The following DNAI4 variants were observed in gnomAD, a reference collection of about 807,000 sequenced individuals.
DNAI4 encodes the protein WD repeat domain 78.
DNAI4 carries 85 observed loss-of-function variants against 105.8 expected under a neutral mutation model. The observed-to-expected ratio is 0.80, with a 90% CI of 0.67 to 0.96. The LOEUF is 0.96. Ranked by LOEUF, DNAI4 falls within the 40% of genes least tolerant of loss-of-function variation. DNAI4 has a pLI of 0.00. For missense variants in DNAI4, 1,014 were observed against 1,005.6 expected (o/e 1.01, Z -0.11); for synonymous variants, 352 against 331.5 (o/e 1.06, Z -0.67).
At chr1:66,904,031 A>G (rs1649049919) in intron 2 of DNAI4, among the ~76,000 whole-genome samples, 1 of 151,726 alleles carries the variant, frequency 6.6e-6, no homozygotes, top group Non-Finnish European at 1.5e-5. Context: ...GTATATATAC[A>G]TATGCATATA....
intron 1 of DNAI4, among the ~76,000 whole-genome samples, chr1:66,918,391 T>C (rs187335585): frequency 6.6e-6 from 1 of 152,356 alleles, no homozygotes; most frequent in East Asian, 1.9e-4. Flanking sequence ...TTCAAAATAA[T>C]GTTTTCAATT....
intron 7 of DNAI4, among the ~76,000 whole-genome samples, chr1:66,858,629 G>A (rs1034967825): frequency 3.3e-5 from 5 of 151,492 alleles, no homozygotes; most frequent in Non-Finnish European, 7.4e-5. Context: ...ATCAAATGGC[G>A]TTTTTTCAAG....
intron 1 of DNAI4, among the ~76,000 whole-genome samples, chr1:66,909,207 G>A (rs545299424): frequency 6.6e-6 from 1 of 150,736 alleles, no homozygotes; most frequent in Admixed American, 6.6e-5. Flanking sequence ...TGTCTTTCCA[G>A]CTATCAGTCA....
intron 15 of DNAI4, among the ~76,000 whole-genome samples, chr1:66,825,166 CTTTTTTTTTTTT>C (rs759572433): frequency 5.2e-5 from 5 of 95,910 alleles, no homozygotes; most frequent in Non-Finnish European, 7.9e-5. Context: ...TAATAACTGT[CTTTTTTTTTTTT>C]TTTTTTTTTT....
intron 2 of DNAI4, among the ~76,000 whole-genome samples, chr1:66,898,392 T>C (rs1648518130): frequency 6.6e-6 from 1 of 152,206 alleles, no homozygotes; most frequent in Non-Finnish European, 1.5e-5. Flanking sequence ...ATAGTTTAAA[T>C]GTGTGTCTAA....
At chr1:66,847,165 C>A (rs919627407) in intron 8 of DNAI4, among the ~76,000 whole-genome samples, 1 of 152,158 alleles carries the variant, frequency 6.6e-6, no homozygotes, top group East Asian at 1.9e-4. Flanking sequence ...GCTACTCACG[C>A]ATTTAGTGCT....
chr1:66,830,689 G>A (rs1370479534), intron 13 of DNAI4, among the ~76,000 whole-genome samples: 2 of 151,534 alleles, frequency 1.3e-5, no homozygotes, highest in Non-Finnish European at 1.5e-5. Context: ...ACTGAGGTGG[G>A]AGAATTGCTT....
At chr1:66,862,376 C>A in intron 6 of DNAI4, 74 bp from the exon 7 acceptor site, 1 of 1,452,062 alleles carries the variant, frequency 6.9e-7, no homozygotes, top group South Asian at 1.3e-5. Context: ...CATAACTAGT[C>A]ACAGAAAAAG....
At position 66,893,059 on chromosome 1, in the gene DNAI4, GAGAGAGAA is replaced by G. The variant is rs778973797; in HGVS notation, c.530+162_530+169del. Among the ~76,000 whole-genome samples the G allele has an allele frequency of 3.2e-3, 181 of 56,518 alleles. 12 individuals carry two copies. The highest frequency in any genetic ancestry group is 4.9e-3 in the Non-Finnish European group (134 of 27,076). The allele number at this position is 56,518 out of a possible 152,430, so 37.1% of individuals were successfully genotyped here. On this transcript the variant is annotated intron_variant, in intron 3 of 16. Transcript: ENST00000371026. ...GGAAAGAAAGAAAGAAAGAAAGAGAGAGAGAGAAAGAAAGAAAGAAAGAAAGAAAGAAA... is the reference window on the plus strand; with the variant it reads ...GGAAAGAAAGAAAGAAAGAAAGAGAGAGAAAGAAAGAAAGAAAGAAAGAAA...
At chr1:66,848,391 C>G (rs1277889989) in intron 7 of DNAI4, 1 of 377,676 alleles carries the variant, frequency 2.6e-6, no homozygotes, top group African/African-American at 2.1e-5. Flanking sequence ...ATCTCTCCAT[C>G]TGAAAATCCC....
chr1:66,884,362 G>A (rs1647147278), intron 4 of DNAI4, among the ~76,000 whole-genome samples: 1 of 152,132 alleles, frequency 6.6e-6, no homozygotes, highest in African/African-American at 2.4e-5. Flanking sequence ...GGATCTTATG[G>A]TAATTCTATT....
At chr1:66,818,084 G>A (rs1224580048) in intron 16 of DNAI4, among the ~76,000 whole-genome samples, 1 of 151,934 alleles carries the variant, frequency 6.6e-6, no homozygotes, top group Non-Finnish European at 1.5e-5. Context: ...TGGCATTAAG[G>A]AATGTATATA....
intron 4 of DNAI4, among the ~76,000 whole-genome samples, chr1:66,877,190 G>A (rs1646976006): frequency 6.6e-6 from 1 of 152,160 alleles, no homozygotes; most frequent in Non-Finnish European, 1.5e-5. Context: ...TACAATTACA[G>A]CATAATTGAG....
chr1:66,822,558 T>A, intron 15 of DNAI4, 41 bp from the exon 16 acceptor site: 1 of 1,450,892 alleles, frequency 6.9e-7, no homozygotes, highest in Non-Finnish European at 9.2e-7. Flanking sequence ...ATTGTTATAT[T>A]AATATGGTCT....
chr1:66,837,343 C>T (rs1023673538), intron 10 of DNAI4, among the ~76,000 whole-genome samples: 3 of 124,924 alleles, frequency 2.4e-5, no homozygotes, highest in East Asian at 2.5e-4. Context: ...CCAGCCTGGG[C>T]GACAATGTAA....
At chr1:66,876,532 G>A (rs1187157868) in intron 4 of DNAI4, among the ~76,000 whole-genome samples, 2 of 152,084 alleles carry the variant, frequency 1.3e-5, no homozygotes, top group African/African-American at 2.4e-5. Context: ...TGATGGCAGA[G>A]GACTTACCAT....
chr1:66,839,919 C>T (rs2991355), intron 9 of DNAI4, among the ~76,000 whole-genome samples: 151,218 of 152,324 alleles, frequency 0.99, 75,067 homozygotes, highest in Middle Eastern at 1. Context: ...AATAATAGTA[C>T]CTAATTCATA....
chr1:66,833,535 AT>A, intron 13 of DNAI4, 49 bp downstream of exon 13: 1 of 1,598,894 alleles, frequency 6.3e-7, no homozygotes, highest in Non-Finnish European at 8.5e-7. Context: ...ATACACTTCA[AT>A]TTTTGGAAAT....
chr1:66,822,974 G>C (rs1188449605), intron 15 of DNAI4, among the ~76,000 whole-genome samples: 1 of 151,716 alleles, frequency 6.6e-6, no homozygotes, highest in Non-Finnish European at 1.5e-5. Context: ...TTGTTACATA[G>C]GTATACCTGT....
Sources: gnomAD v4.1 joint callset for allele counts (sites outside exome capture counted in the v4.1 genomes callset) on GRCh38, gnomAD v4.1.1 for gene constraint, MANE v1.5 for transcripts, NCBI Gene and HGNC (gene_info 2026-07-23, HGNC 2026-07-21) for gene names.